Variants in OSBP2 observed in about 807,000 individuals in gnomAD.
OSBP2 encodes oxysterol-binding protein 2.
Under a neutral mutation model 96.0 loss-of-function variants are expected in OSBP2, and 66 were observed. That is an observed-to-expected ratio of 0.69 (90% CI 0.56 to 0.84). The LOEUF (loss-of-function observed/expected upper bound fraction) is 0.84, where lower values mean the gene tolerates loss of function less well. OSBP2 is among the 40% of genes least tolerant of loss of function. The pLI, the probability that OSBP2 is intolerant of heterozygous loss-of-function variation, is 0.00. For synonymous variants in OSBP2, 525 were observed against 520.9 expected, an observed-to-expected ratio of 1.01 and a Z score of -0.11; for missense variants, 1,038 against 1,222.7, an observed-to-expected ratio of 0.85 and a Z score of 2.25.
Position 30,727,975 on chromosome 22 carries a change from C to T in OSBP2, c.645-13186C>T, listed in dbSNP as rs150204606. On this transcript the variant is annotated intron_variant, in intron 1 of 13. Coordinates refer to ENST00000332585, the MANE Select transcript of OSBP2 (RefSeq NM_030758.4). Reference sequence around the variant, plus strand: ...CAAAAATTAGCTGGGTGTGGTGGTGCGTGTCTGTAGTCCTAGCTACTCGGG... The same window carrying T: ...CAAAAATTAGCTGGGTGTGGTGGTGTGTGTCTGTAGTCCTAGCTACTCGGG... Among the ~76,000 whole-genome samples, 112 of 151,348 alleles carry T rather than the reference C, an allele frequency of 7.4e-4. 1 individual carries two copies. In the East Asian group the frequency reaches 0.019, roughly 26 times the overall value.
intron 2 of OSBP2, among the ~76,000 whole-genome samples, chr22:30,837,172 G>T (rs1287684224): frequency 6.6e-6 from 1 of 150,562 alleles, no homozygotes; most frequent in Middle Eastern, 3.4e-3. Flanking sequence ...TGAGGCAGGA[G>T]AATCACTTGA....
intron 1 of OSBP2, among the ~76,000 whole-genome samples, chr22:30,701,238 C>T (rs1191556301): frequency 1.3e-5 from 2 of 152,164 alleles, no homozygotes; most frequent in Non-Finnish European, 2.9e-5. Flanking sequence ...ACTCACCCTT[C>T]CCATGAACTC....
intron 2 of OSBP2, among the ~76,000 whole-genome samples, chr22:30,822,187 T>C (rs939720998): frequency 2.0e-5 from 3 of 152,338 alleles, no homozygotes; most frequent in Non-Finnish European, 4.4e-5. Flanking sequence ...CATCCCCATT[T>C]CCCGCGTGCC....
intron 2 of OSBP2, among the ~76,000 whole-genome samples, chr22:30,793,328 T>G (rs1003558019): frequency 6.6e-5 from 10 of 152,094 alleles, no homozygotes; most frequent in African/African-American, 2.2e-4. Flanking sequence ...AGGTGGAGGT[T>G]GCAGTGAGCT....
rs1045286107 is a variant in OSBP2, at chr22:30,881,397, T to C, written c.1108-6029T>C. ...GCAGGGCCCAGGTACCACCTCCAGCTCCCACTAGGACCCCTCACTCTCTTC... is the reference window on the plus strand; with the variant it reads ...GCAGGGCCCAGGTACCACCTCCAGCCCCCACTAGGACCCCTCACTCTCTTC... On this transcript the variant is annotated intron_variant, in intron 3 of 13. Transcript: ENST00000332585. This position sits in a 1 kb window ranked among gnomAD's most constrained non-coding sequence, Gnocchi z 4.5. 1.3e-5 allele frequency among the ~76,000 whole-genome samples: 2 copies of C among 152,068 alleles called. No homozygotes were observed. The highest frequency in any genetic ancestry group is 2.9e-5 in the Non-Finnish European group (2 of 67,998).
In OSBP2 at chr22:30,889,541, C is replaced by T. The variant is rs796632136; in HGVS notation, c.1528C>T (p.Arg510Ter). Residue 510 changes from arginine (R) to a stop codon, truncating the protein, a stop_gained, in exon 7 of 14, where the codon CGA becomes TGA. Transcript: ENST00000332585. LOFTEE classifies it high-confidence loss of function. ...CAAGGGTTCATCCAAAGTCAAGAGG[C>T]GAGTCCGCATTCCCAACAAGCCCAA... ...VPKGSSKVKR[R>*]VRIPNKPNYS... is the part of the protein sequence containing the mutation. 17 of 1,614,046 alleles carry T rather than the reference C, an allele frequency of 1.1e-5. No homozygotes were observed. Among genetic ancestry groups the T allele is most frequent in the African/African-American group, 5.3e-5 (4 of 75,034 alleles).
chr22:30,793,071 AGTTC>A, intron 2 of OSBP2, among the ~76,000 whole-genome samples: 1 of 152,328 alleles, frequency 6.6e-6, no homozygotes, highest in Non-Finnish European at 1.5e-5. Context: ...ATTAGATTGT[AGTTC>A]AGCTAAAAGG....
At chr22:30,754,258 G>A (rs2090114327) in intron 2 of OSBP2, among the ~76,000 whole-genome samples, 2 of 152,256 alleles carry the variant, frequency 1.3e-5, no homozygotes, top group South Asian at 2.1e-4. Context: ...CCTGTTTATT[G>A]TTGACATTGG....
At chr22:30,714,213 A>G (rs1204594399) in intron 1 of OSBP2, among the ~76,000 whole-genome samples, 4 of 152,196 alleles carry the variant, frequency 2.6e-5, no homozygotes, top group Non-Finnish European at 5.9e-5. Context: ...CTCTGGGCTC[A>G]TGCATGTTGT....
rs1417810203 is a variant in OSBP2 at position 30,830,133 on chromosome 22, T to C, written c.854-40296T>C. Reference sequence around the variant, plus strand: ...ACTGCAGATTCATTCTCCTGGCATCTGGTTTTCCTATAAAGTGCCAGTCAG... The same window carrying C: ...ACTGCAGATTCATTCTCCTGGCATCCGGTTTTCCTATAAAGTGCCAGTCAG... On this transcript the variant is annotated intron_variant, in intron 2 of 13. Coordinates refer to ENST00000332585, the MANE Select transcript of OSBP2 (RefSeq NM_030758.4). Among the ~76,000 whole-genome samples the C allele has an allele frequency of 2.0e-5, 3 of 152,242 alleles. No homozygotes were observed. The East Asian group carries it at 5.8e-4, about 29-fold the overall frequency.
At chr22:30,717,674 T>C (rs1257411455) in intron 1 of OSBP2, among the ~76,000 whole-genome samples, 2 of 152,326 alleles carry the variant, frequency 1.3e-5, no homozygotes, top group Non-Finnish European at 2.9e-5. Context: ...ATGACAAAGA[T>C]TGCTGGTTGA....
intron 2 of OSBP2, among the ~76,000 whole-genome samples, chr22:30,863,385 C>T (rs1446606095): frequency 2.0e-5 from 3 of 152,150 alleles, no homozygotes; most frequent in Non-Finnish European, 4.4e-5. Context: ...GAGGGTGCAG[C>T]GCCCCCGCAG....
chr22:30,794,667 C>G (rs961120581), intron 2 of OSBP2, among the ~76,000 whole-genome samples: 2 of 151,252 alleles, frequency 1.3e-5, no homozygotes, highest in Non-Finnish European at 2.9e-5. Context: ...ATTTAAGAAG[C>G]TAACAACAGT....
chr22:30,875,827 A>G (rs1256339697), intron 3 of OSBP2, among the ~76,000 whole-genome samples: 1 of 152,360 alleles, frequency 6.6e-6, no homozygotes, highest in East Asian at 1.9e-4. Context: ...CCTGATGGGC[A>G]TTTGACATCA....
intron 2 of OSBP2, among the ~76,000 whole-genome samples, chr22:30,754,742 T>G (rs997387854): frequency 4.6e-5 from 7 of 152,152 alleles, no homozygotes; most frequent in African/African-American, 1.2e-4. Flanking sequence ...GTCTGACTTC[T>G]CCACCTGGAG....
At chr22:30,725,545 C>CA (rs71202009) in intron 1 of OSBP2, among the ~76,000 whole-genome samples, 34,694 of 143,876 alleles carry the variant, frequency 0.24, 4,118 homozygotes, top group East Asian at 0.43. Flanking sequence ...AAAACAAAAA[C>CA]AAAAAAAAAA....
chr22:30,787,560 C>T (rs577393824), intron 2 of OSBP2, among the ~76,000 whole-genome samples: 15 of 152,110 alleles, frequency 9.9e-5, no homozygotes, highest in African/African-American at 2.2e-4. Flanking sequence ...GTAATCCCAG[C>T]GAATCGGGAG....
chr22:30,876,128 G>A (rs1237333902), intron 3 of OSBP2, among the ~76,000 whole-genome samples: 1 of 152,268 alleles, frequency 6.6e-6, no homozygotes, highest in African/African-American at 2.4e-5. Flanking sequence ...ACAGAGGGCC[G>A]AGGCAGCAGA....
intron 12 of OSBP2, among the ~76,000 whole-genome samples, chr22:30,903,965 G>A (rs1476837833): frequency 1.3e-5 from 2 of 152,250 alleles, no homozygotes; most frequent in African/African-American, 2.4e-5. Flanking sequence ...GTCTGAGGCT[G>A]CATCTTGGGG....
Sources: allele counts gnomAD v4.1 joint callset (sites outside exome capture counted in the v4.1 genomes callset), GRCh38; gene constraint gnomAD v4.1.1; non-coding constraint Gnocchi (gnomAD v3.1); transcripts MANE v1.5; gene names NCBI Gene and HGNC (gene_info 2026-07-23, HGNC 2026-07-21).